The following DHX40 variants were observed in gnomAD, a reference collection of about 807,000 sequenced individuals.
DHX40 encodes DEAH-box helicase 40.
Under a neutral mutation model 89.6 loss-of-function variants are expected in DHX40, and 28 were observed. That is an observed-to-expected ratio of 0.31 (90% CI 0.23 to 0.43). The LOEUF (loss-of-function observed/expected upper bound fraction) is 0.43, where lower values mean the gene tolerates loss of function less well. Ranked by LOEUF, DHX40 falls within the 20% of genes least tolerant of loss-of-function variation. DHX40 has a pLI of 1.00. For synonymous variants in DHX40, 226 were observed against 283.6 expected (o/e 0.80, Z 2.04); for missense variants, 457 against 844.0 (o/e 0.54, Z 5.68).
At chr17:59,589,215 ATTTTTT>A (rs1209554990) in intron 12 of DHX40, among the ~76,000 whole-genome samples, 8 of 89,316 alleles carry the variant, frequency 9.0e-5, no homozygotes, top group African/African-American at 2.8e-4. Context: ...ACTTGCTGGG[ATTTTTT>A]TTTTTTTTTT....
At chr17:59,580,709 G>A (rs1047026938) in intron 10 of DHX40, among the ~76,000 whole-genome samples, 2 of 149,894 alleles carry the variant, frequency 1.3e-5, no homozygotes, top group African/African-American at 5.0e-5. Flanking sequence ...AAGATTGCTG[G>A]AGCCGGGCAG....
intron 10 of DHX40, among the ~76,000 whole-genome samples, chr17:59,581,895 G>C (rs1206845520): frequency 8.1e-6 from 1 of 122,772 alleles, no homozygotes. Context: ...TTTTCTGAAT[G>C]AGAATATGTA....
intron 17 of DHX40, chr17:59,605,947 A>T (rs2030819186): frequency 6.6e-6 from 3 of 453,662 alleles, no homozygotes; most frequent in Admixed American, 7.1e-5. Flanking sequence ...CCTGGGGGTG[A>T]CAGAGTGAGA....
At chr17:59,601,764 C>G (rs1263273478) in intron 14 of DHX40, among the ~76,000 whole-genome samples, 1 of 152,010 alleles carries the variant, frequency 6.6e-6, no homozygotes, top group Admixed American at 6.6e-5. Context: ...TTTTTGTGTT[C>G]TAGTTACTTG....
intron 2 of DHX40, among the ~76,000 whole-genome samples, chr17:59,569,808 G>T (rs577504292): frequency 1.4e-5 from 2 of 145,334 alleles, no homozygotes; most frequent in South Asian, 4.2e-4. Flanking sequence ...TACTTTGGGA[G>T]GCAGAGGCAA....
In DHX40 at chr17:59,607,448, C is replaced by T. The variant is rs1311562193; in HGVS notation, c.*276C>T. ...TAATATTTTCCTCAGTACAATTTTG[C>T]TGGCCTTAACTGGTATCAAACGCTG... is the stretch of plus-strand genomic sequence containing the variant. On this transcript the variant is annotated 3_prime_UTR_variant, in exon 18 of 18. Coordinates refer to ENST00000251241, the MANE Select transcript of DHX40 (RefSeq NM_024612.5). 1.7e-6 allele frequency: 1 copy of T among 605,780 alleles called. No individual in the cohort carries two copies. 37.5% of individuals were successfully genotyped at this position (605,780 alleles called of 1,614,324 possible).
intron 3 of DHX40, 53 bp downstream of exon 3, chr17:59,570,716 G>C (rs2048794538): frequency 6.5e-7 from 1 of 1,547,144 alleles, no homozygotes; most frequent in Non-Finnish European, 8.8e-7. Context: ...ACAGGGTCTT[G>C]CTCTGTCGCC....
rs568559833 is a variant in DHX40 at position 59,600,228 on chromosome 17, T to C, written c.1806+745T>C. On this transcript the variant is annotated intron_variant, in intron 14 of 17. Transcript: ENST00000251241. ...TGTCATGATACAGTAAGTCCTCACT[T>C]AATGTCATCAGTAGGTTCTTGGAAA... 3.0e-4 allele frequency among the ~76,000 whole-genome samples: 45 copies of C among 152,250 alleles called. 1 individual carries two copies. The South Asian group carries it at 9.3e-3, about 32-fold the overall frequency.
chr17:59,593,770 C>T (rs2049112488), intron 12 of DHX40, among the ~76,000 whole-genome samples: 2 of 149,918 alleles, frequency 1.3e-5, no homozygotes, highest in Admixed American at 1.3e-4. Flanking sequence ...GAGTGAGCCA[C>T]CATGCCCGGC....
At chr17:59,570,716 G>T in intron 3 of DHX40, 53 bp downstream of exon 3, 1 of 1,547,262 alleles carries the variant, frequency 6.5e-7, no homozygotes, top group Admixed American at 1.9e-5. Flanking sequence ...ACAGGGTCTT[G>T]CTCTGTCGCC....
At chr17:59,565,882 T>G in intron 1 of DHX40, 99 bp downstream of exon 1, 1 of 1,033,850 alleles carries the variant, frequency 9.7e-7, no homozygotes, top group Non-Finnish European at 1.3e-6. Flanking sequence ...AGAAGAGTAG[T>G]GAGGAAGCCG....
chr17:59,566,870 C>A (rs2048712676), intron 2 of DHX40, 76 bp downstream of exon 2: 1 of 1,294,658 alleles, frequency 7.7e-7, no homozygotes, highest in Non-Finnish European at 1.0e-6. Context: ...GACTTCTGTA[C>A]TCCATGATTG....
At chr17:59,604,846 A>G (rs2030747472) in intron 15 of DHX40, 1 of 335,732 alleles carries the variant, frequency 3.0e-6, no homozygotes, top group East Asian at 4.8e-5. Flanking sequence ...CTGGCTCTCA[A>G]AGCTCATAGA....
At chr17:59,573,258 A>T (rs773716910) in intron 4 of DHX40, 23 bp downstream of exon 4, 14 of 1,571,474 alleles carry the variant, frequency 8.9e-6, no homozygotes, top group South Asian at 2.4e-5. Context: ...ATTTATTATT[A>T]TTTTTTTATT....
chr17:59,567,573 G>C (rs1475259752), intron 2 of DHX40, among the ~76,000 whole-genome samples: 1 of 152,150 alleles, frequency 6.6e-6, no homozygotes, highest in Non-Finnish European at 1.5e-5. Flanking sequence ...TTGGAACACT[G>C]ATTCTATTTT....
chr17:59,575,896 G>GTTT (rs201574680), intron 7 of DHX40, among the ~76,000 whole-genome samples: 13 of 148,668 alleles, frequency 8.7e-5, no homozygotes, highest in Non-Finnish European at 1.5e-4. Flanking sequence ...GGATTGTTTT[G>GTTT]TTTTTTTTTT....
At chr17:59,605,378 T>C in intron 16 of DHX40, 68 bp from the exon 17 acceptor site, 1 of 1,486,388 alleles carries the variant, frequency 6.7e-7, no homozygotes, top group Non-Finnish European at 9.2e-7. Context: ...TTTGGACTAT[T>C]TGGTTGGTTT....
chr17:59,568,846 A>ATC (rs1199647887), intron 2 of DHX40, among the ~76,000 whole-genome samples: 5 of 149,598 alleles, frequency 3.3e-5, no homozygotes, highest in Middle Eastern at 3.2e-3. Context: ...GCATATATAT[A>ATC]TATATATAAA....
At position 59,607,806 on chromosome 17, in the gene DHX40, A is replaced by G. The variant is rs139597241; in HGVS notation, c.*634A>G. On this transcript the variant is annotated 3_prime_UTR_variant, in exon 18 of 18. Coordinates refer to ENST00000251241, the MANE Select transcript of DHX40 (RefSeq NM_024612.5). ...TCCTTAAATTGATTTTTCTGGGATTATACAAATTCCTTTTTATATAAAAGT... is the reference window on the plus strand; with the variant it reads ...TCCTTAAATTGATTTTTCTGGGATTGTACAAATTCCTTTTTATATAAAAGT... The G allele has an allele frequency of 1.3e-5, 2 of 152,748 alleles. No homozygotes were observed. Among genetic ancestry groups the G allele is most frequent in the African/African-American group, 4.8e-5 (2 of 41,506 alleles). 9.5% of individuals were successfully genotyped at this position (152,748 alleles called of 1,614,324 possible). A position where few individuals can be genotyped will look rare whatever the true frequency, so the allele number is the denominator to read the frequency against.
Sources: allele counts gnomAD v4.1 joint callset (sites outside exome capture counted in the v4.1 genomes callset), GRCh38; gene constraint gnomAD v4.1.1; transcripts MANE v1.5; gene names NCBI Gene and HGNC (gene_info 2026-07-23, HGNC 2026-07-21).